DIPK2A: variants seen among roughly 807,000 people sequenced by gnomAD.
DIPK2A encodes Golgi Protein of 49 kDa.
In DIPK2A, 27 loss-of-function variants were observed where a neutral mutation model predicts 39.0. That is an observed-to-expected ratio of 0.69 (90% CI 0.51 to 0.96). The LOEUF (loss-of-function observed/expected upper bound fraction) is 0.96, where lower values mean the gene tolerates loss of function less well. Ranked by LOEUF, DIPK2A falls within the 40% of genes least tolerant of loss-of-function variation. DIPK2A has a pLI of 0.00. For synonymous variants in DIPK2A, 298 were observed against 240.8 expected (o/e 1.24, Z -2.20); for missense variants, 528 against 571.3 (o/e 0.92, Z 0.77).
rs897344289 is a variant in DIPK2A, at chr3:143,989,404, A to C, written c.962-106A>C. On this transcript the variant is annotated intron_variant, in intron 2 of 2. Coordinates refer to ENST00000315691, the MANE Select transcript of DIPK2A (RefSeq NM_173552.5). ...TTATGGTTATAATATACTTTTACCT[A>C]AAAGTGTAGAACAAATACTATTAAT... is the stretch of plus-strand genomic sequence containing the variant. The C allele has an allele frequency of 2.5e-5, 17 of 683,918 alleles. No individual in the cohort carries two copies. In the Admixed American group the frequency reaches 3.5e-4, roughly 14 times the overall value. 42.4% of individuals were successfully genotyped at this position (683,918 alleles called of 1,614,324 possible).
chr3:143,973,559 C>T (rs1234795672), intron 1 of DIPK2A: 1 of 1,332,434 alleles, frequency 7.5e-7, no homozygotes, highest in Non-Finnish European at 1.1e-6. Context: ...GGACAGTGGT[C>T]GGGGTGGGTT....
chr3:143,979,040 T>G (rs2107842422), intron 1 of DIPK2A, among the ~76,000 whole-genome samples: 1 of 152,266 alleles, frequency 6.6e-6, no homozygotes, highest in East Asian at 1.9e-4. Flanking sequence ...TACAGTGTAT[T>G]ATTTCTTTGA....
rs763049853 is a variant in DIPK2A, at chr3:143,989,838, G to A, written c.1290G>A (p.Arg430=). 3.1e-6 allele frequency: 5 copies of A among 1,605,914 alleles called. No individual in the cohort carries two copies. The East Asian group carries it at 6.7e-5, about 22-fold the overall frequency. ...EYLAQLSNNV[R] ...TAGCACAATTAAGTAACAACGTGAG[G>A]TAGTCTATGGTGAACTTTTCTTTTT... The change falls in exon 3 of 3, where the codon AGG becomes AGA. Residue 430 remains arginine (R), a synonymous_variant. Coordinates refer to ENST00000315691, the MANE Select transcript of DIPK2A (RefSeq NM_173552.5).
Position 143,991,494 on chromosome 3 carries a change from T to G in DIPK2A, c.*1653T>G, listed in dbSNP as rs116183819. The G allele has an allele frequency of 2.6e-3, 401 of 152,738 alleles. 1 individual carries two copies. Among genetic ancestry groups the G allele is most frequent in the African/African-American group, 9.0e-3 (376 of 41,568 alleles). The allele number at this position is 152,738 out of a possible 1,614,324, so 9.5% of individuals were successfully genotyped here. On this transcript the variant is annotated 3_prime_UTR_variant, in exon 3 of 3. Transcript: ENST00000315691. ...TATTGTCTTGTGATAGAAATTCAAC[T>G]TGTACCATCTAAAACTAGGTTGCTA...
At chr3:143,981,289 T>C (rs376942320) in intron 1 of DIPK2A, among the ~76,000 whole-genome samples, 1 of 152,334 alleles carries the variant, frequency 6.6e-6, no homozygotes, top group East Asian at 1.9e-4. Flanking sequence ...GGCATACATA[T>C]AGATGATGCT....
At chr3:143,982,758 TAA>T (rs1022739119) in intron 1 of DIPK2A, among the ~76,000 whole-genome samples, 2 of 152,118 alleles carry the variant, frequency 1.3e-5, no homozygotes, top group Non-Finnish European at 2.9e-5. Flanking sequence ...ATATTAACCT[TAA>T]ATGTAAATTG....
At chr3:143,979,036 G>C (rs748899259) in intron 1 of DIPK2A, among the ~76,000 whole-genome samples, 2 of 152,036 alleles carry the variant, frequency 1.3e-5, no homozygotes, top group Non-Finnish European at 2.9e-5. Context: ...TTTTTACAGT[G>C]TATTATTTCT....
In DIPK2A at chr3:143,990,697, A is replaced by T. The variant is rs1438121097; in HGVS notation, c.*856A>T. 1.3e-5 allele frequency: 2 copies of T among 152,638 alleles called. No individual in the cohort carries two copies. Among genetic ancestry groups the T allele is most frequent in the African/African-American group, 4.8e-5 (2 of 41,462 alleles). 9.5% of individuals were successfully genotyped at this position (152,638 alleles called of 1,614,324 possible). On this transcript the variant is annotated 3_prime_UTR_variant, in exon 3 of 3. Transcript: ENST00000315691. ...ATTCAGAAAAAAAATACAACCCAGTATCTAAAAAGTGTTAACTAGTCCAAG... is the reference window on the plus strand; with the variant it reads ...ATTCAGAAAAAAAATACAACCCAGTTTCTAAAAAGTGTTAACTAGTCCAAG...
At chr3:143,987,007 G>A (rs1258836516) in intron 2 of DIPK2A, among the ~76,000 whole-genome samples, 2 of 152,146 alleles carry the variant, frequency 1.3e-5, no homozygotes, top group East Asian at 3.9e-4. Context: ...ATCTTGGCAT[G>A]ATCCTATTAA....
chr3:143,978,669 GATATATA>G (rs2087781840), intron 1 of DIPK2A: 2 of 32,826 alleles, frequency 6.1e-5, no homozygotes, highest in African/African-American at 2.5e-4. Context: ...TCTATATATA[GATATATA>G]TATATCTATA....
rs776954781 is a variant in DIPK2A, at chr3:143,989,364, T to C, written c.962-146T>C. 9.6e-5 allele frequency: 57 copies of C among 594,088 alleles called. No homozygotes were observed. In the Middle Eastern group the frequency reaches 4.1e-3, roughly 42 times the overall value. 36.8% of individuals were successfully genotyped at this position (594,088 alleles called of 1,614,324 possible). On this transcript the variant is annotated intron_variant, in intron 2 of 2. Coordinates refer to ENST00000315691, the MANE Select transcript of DIPK2A (RefSeq NM_173552.5). ...CTCCCAGTGAATGTTTGTATGAATT[T>C]ATATATTTAAATGTTTATGGTTATA...
chr3:143,986,112 C>T (rs903742461), intron 2 of DIPK2A: 7 of 392,758 alleles, frequency 1.8e-5, no homozygotes, highest in Non-Finnish European at 3.2e-5. Context: ...GTCTTGCCTA[C>T]CTTAGACATA....
At position 143,972,167 on chromosome 3, in the gene DIPK2A, C is replaced by G; in HGVS notation, c.-166C>G. 1 of 527,870 alleles carries G rather than the reference C, an allele frequency of 1.9e-6. No homozygotes were observed. Among genetic ancestry groups the G allele is most frequent in the South Asian group, 5.9e-5 (1 of 17,028 alleles). The allele number at this position is 527,870 out of a possible 1,614,324, so 32.7% of individuals were successfully genotyped here. A position where few individuals can be genotyped will look rare whatever the true frequency, so the allele number is the denominator to read the frequency against. ...CGCAGCCCGCTCAGGCCCGCGCCTT[C>G]CCGCTCCCCGTCTTCCTCTCTCACA... is the stretch of plus-strand genomic sequence containing the variant. On this transcript the variant is annotated 5_prime_UTR_variant, in exon 1 of 3. Transcript: ENST00000315691.
chr3:143,972,575 C>G lies in DIPK2A; in HGVS notation c.243C>G (p.Arg81=). The part of the protein sequence containing the change: ...QVVFEAWGRL[R]LLDFLNVKNV... The stretch of plus-strand genomic sequence containing the variant: ...TATTCGAGGCGTGGGGCCGCTTGCG[C>G]CTGCTGGACTTCCTCAACGTGAAGA... The change falls in exon 1 of 3, where the codon CGC becomes CGG. Residue 81 remains arginine, a synonymous_variant. Coordinates refer to ENST00000315691, the MANE Select transcript of DIPK2A (RefSeq NM_173552.5). 1 of 1,612,272 alleles carries G rather than the reference C, an allele frequency of 6.2e-7. No individual in the cohort carries two copies. Among genetic ancestry groups the G allele is most frequent in the South Asian group, 1.1e-5 (1 of 91,044 alleles).
chr3:143,974,241 G>C (rs546466581), intron 1 of DIPK2A, among the ~76,000 whole-genome samples: 7 of 151,972 alleles, frequency 4.6e-5, no homozygotes, highest in Non-Finnish European at 1.0e-4. Flanking sequence ...AGCTTCGTTT[G>C]ATTAGTTCAG....
intron 1 of DIPK2A, among the ~76,000 whole-genome samples, chr3:143,981,212 A>G (rs1405088320): frequency 2.0e-5 from 3 of 152,188 alleles, no homozygotes; most frequent in African/African-American, 7.2e-5. Context: ...ACCATAGCAT[A>G]CTGTTTGATT....
chr3:143,974,028 CAA>C (rs773129014), intron 1 of DIPK2A, among the ~76,000 whole-genome samples: 1 of 151,518 alleles, frequency 6.6e-6, no homozygotes, highest in African/African-American at 2.4e-5. Flanking sequence ...CTTTCCATGA[CAA>C]GAGAAAAAAA....
chr3:143,972,584 C>A lies in DIPK2A; in HGVS notation c.252C>A (p.Asp84Glu), dbSNP rs1576803799. 1 of 1,612,244 alleles carries A rather than the reference C, an allele frequency of 6.2e-7. No individual in the cohort carries two copies. The highest frequency in any genetic ancestry group is 1.3e-5 in the African/African-American group (1 of 74,998). Residue 84 changes from aspartate to glutamate, a missense_variant, in exon 1 of 3, where the codon GAC becomes GAA. Physicochemically the swap from Asp to Glu is conservative, Grantham distance 45. Transcript: ENST00000315691. The part of the protein sequence containing the change: ...FEAWGRLRLL[D>E]FLNVKNVYFA... ...CGTGGGGCCGCTTGCGCCTGCTGGA[C>A]TTCCTCAACGTGAAGAACGTGTACT... is the stretch of plus-strand genomic sequence containing the variant.
chr3:143,980,425 G>A (rs2087810509), intron 1 of DIPK2A, among the ~76,000 whole-genome samples: 2 of 152,004 alleles, frequency 1.3e-5, no homozygotes, highest in South Asian at 4.2e-4. Flanking sequence ...TCACCACCAC[G>A]CCTGGCTAAT....
Sources: allele counts gnomAD v4.1 joint callset (sites outside exome capture counted in the v4.1 genomes callset), GRCh38; gene constraint gnomAD v4.1.1; transcripts MANE v1.5; gene names NCBI Gene and HGNC (gene_info 2026-07-23, HGNC 2026-07-21).